Variants in EMC1 observed in about 807,000 individuals in gnomAD.
EMC1 encodes the protein ER membrane protein complex subunit 1, also known as KIAA0090.
In EMC1, 103 loss-of-function variants were observed where a neutral mutation model predicts 128.8. The ratio of observed to expected loss-of-function variants is 0.80; its 90% CI spans 0.68 to 0.94. The LOEUF (loss-of-function observed/expected upper bound fraction) is 0.94. Among genes scored for constraint, EMC1 ranks in the 40% least tolerant of loss-of-function variants. The pLI, the probability that EMC1 is intolerant of heterozygous loss-of-function variation, is 0.00. For missense variants in EMC1, 1,083 were observed against 1,250.6 expected (o/e 0.87, Z 2.02); for synonymous variants, 442 against 490.4 (o/e 0.90, Z 1.30).
In EMC1 at chr1:19,240,339, C is replaced by T. The variant is rs760670706; in HGVS notation, c.744G>A (p.Leu248=). ...PDPSSRSLQT[L]ALETEWELRQ... Reference sequence around the variant, plus strand: ...TCAACTCCCATTCCGTCTCCAGAGCCAAAGTTTGGAGGGAACGTGAGCTCG... The same window carrying T: ...TCAACTCCCATTCCGTCTCCAGAGCTAAAGTTTGGAGGGAACGTGAGCTCG... Residue 248 remains leucine, a synonymous_variant, in exon 7 of 23, where the codon TTG becomes TTA. Coordinates refer to ENST00000477853, the MANE Select transcript of EMC1 (RefSeq NM_015047.3). 1 of 1,614,210 alleles carries T rather than the reference C, an allele frequency of 6.2e-7. No homozygotes were observed. The highest frequency in any genetic ancestry group is 8.5e-7 in the Non-Finnish European group (1 of 1,180,026).
chr1:19,239,455 A>G (rs146724555), intron 8 of EMC1, among the ~76,000 whole-genome samples, 153 bp from the exon 9 acceptor site: 8 of 152,302 alleles, frequency 5.3e-5, no homozygotes, highest in Admixed American at 5.2e-4. Flanking sequence ...GAGCAGAGGG[A>G]GGCCTCAGTT....
chr1:19,227,613 T>C (rs193081352), intron 17 of EMC1, among the ~76,000 whole-genome samples, 163 bp from the exon 18 acceptor site: 9 of 152,336 alleles, frequency 5.9e-5, no homozygotes, highest in Admixed American at 5.9e-4. Context: ...ATTCTTGTAA[T>C]CCCAGCACTT....
At position 19,235,253 on chromosome 1, in the gene EMC1, C is replaced by A; in HGVS notation, c.1310-1G>T. On this transcript the variant is annotated splice_acceptor_variant, in intron 12 of 22. Coordinates refer to ENST00000477853, the MANE Select transcript of EMC1 (RefSeq NM_015047.3). LOFTEE classifies it high-confidence loss of function. ...CGGCTCCACAGCACCACCTTCCCTG[C>A]TACAGGAAACATTTTTACAAAGCTA... The A allele has an allele frequency of 6.2e-7, 1 of 1,611,184 alleles. No individual in the cohort carries two copies. Among genetic ancestry groups the A allele is most frequent in the Non-Finnish European group, 8.5e-7 (1 of 1,178,522 alleles).
At chr1:19,230,296 C>T (rs1002452519) in intron 17 of EMC1, among the ~76,000 whole-genome samples, 1 of 152,172 alleles carries the variant, frequency 6.6e-6, no homozygotes, top group Non-Finnish European at 1.5e-5. Context: ...TGGGGCCAGG[C>T]GCGGTGGCTC....
chr1:19,230,275 T>C (rs2093509739), intron 17 of EMC1, among the ~76,000 whole-genome samples: 1 of 152,116 alleles, frequency 6.6e-6, no homozygotes, highest in Admixed American at 6.6e-5. Flanking sequence ...CTCTCTGCTA[T>C]AGAAAAATAA....
chr1:19,240,625 G>A, intron 6 of EMC1, 179 bp from the exon 7 acceptor site: 1 of 633,790 alleles, frequency 1.6e-6, no homozygotes, highest in Non-Finnish European at 2.7e-6. Flanking sequence ...CCTCCTGAGA[G>A]CCTTCAAAGT....
intron 1 of EMC1, among the ~76,000 whole-genome samples, chr1:19,247,135 T>C (rs1046234865): frequency 6.6e-6 from 1 of 152,248 alleles, no homozygotes; most frequent in Non-Finnish European, 1.5e-5. Context: ...TCAATTTCTA[T>C]TGTTTAAGCC....
chr1:19,235,061 T>C, intron 13 of EMC1, 69 bp downstream of exon 13: 1 of 1,565,110 alleles, frequency 6.4e-7, no homozygotes, highest in Admixed American at 1.8e-5. Flanking sequence ...CATGATACAG[T>C]GTCTCTTGTG....
At chr1:19,226,265 G>A (rs1030083381) in intron 18 of EMC1, among the ~76,000 whole-genome samples, 3 of 152,128 alleles carry the variant, frequency 2.0e-5, no homozygotes, top group African/African-American at 7.2e-5. Flanking sequence ...CAGAGATGGA[G>A]TTTCTGATGG....
At chr1:19,243,906 A>G (rs1292237556) in intron 3 of EMC1, 44 bp downstream of exon 3, 3 of 1,603,622 alleles carry the variant, frequency 1.9e-6, no homozygotes, top group East Asian at 2.2e-5. Flanking sequence ...GGAATGGGAC[A>G]GGGAGCTGGC....
intron 13 of EMC1, 46 bp downstream of exon 13, chr1:19,235,084 C>A: frequency 6.2e-7 from 1 of 1,600,262 alleles, no homozygotes. Flanking sequence ...CATTTCCAGA[C>A]TGGCCCCTCC....
chr1:19,246,559 G>C (rs543350425), intron 1 of EMC1, among the ~76,000 whole-genome samples: 1 of 151,878 alleles, frequency 6.6e-6, no homozygotes, highest in African/African-American at 2.4e-5. Flanking sequence ...CAGGCATGCC[G>C]AACACTTGAG....
intron 15 of EMC1, among the ~76,000 whole-genome samples, chr1:19,232,379 A>C (rs1193735440): frequency 1.3e-5 from 2 of 152,348 alleles, no homozygotes; most frequent in African/African-American, 2.4e-5. Context: ...ACCAACAGCC[A>C]ATGTTTAGAA....
intron 2 of EMC1, 95 bp from the exon 3 acceptor site, chr1:19,244,110 G>T: frequency 8.2e-7 from 1 of 1,224,974 alleles, no homozygotes; most frequent in Non-Finnish European, 1.2e-6. Flanking sequence ...GCACAGCAAT[G>T]TCCAATTTTA....
intron 20 of EMC1, chr1:19,221,210 G>A (rs12123817): frequency 0.04 from 7,219 of 182,196 alleles, 211 homozygotes; most frequent in Middle Eastern, 0.071. Flanking sequence ...TTGAGCAAAC[G>A]CAGCTGTTCA....
At chr1:19,248,902 ATAT>A (rs1376369561) in intron 1 of EMC1, among the ~76,000 whole-genome samples, 8 of 152,330 alleles carry the variant, frequency 5.3e-5, no homozygotes, top group East Asian at 3.8e-4. Context: ...TATAAGAAAA[ATAT>A]TATTAAGTCA....
At chr1:19,240,875 C>T (rs2093601578) in intron 6 of EMC1, 141 bp downstream of exon 6, 1 of 942,912 alleles carries the variant, frequency 1.1e-6, no homozygotes, top group Non-Finnish European at 1.6e-6. Context: ...AATGGGAAGG[C>T]AGCTGGCAAG....
chr1:19,232,805 T>G (rs2093533855), intron 14 of EMC1, 32 bp from the exon 15 acceptor site: 1 of 1,613,538 alleles, frequency 6.2e-7, no homozygotes, highest in East Asian at 2.2e-5. Context: ...GGCTCACTAC[T>G]AGAAAGAGAA....
Position 19,244,905 on chromosome 1 carries a change from C to T in EMC1, c.220+1G>A. On this transcript the variant is annotated splice_donor_variant, in intron 2 of 22. Transcript: ENST00000477853. LOFTEE classifies it high-confidence loss of function. Reference sequence around the variant, plus strand: ...GTAGACACAGTTCTCAGTTCACTCACAGATCTCCCCAGTTCGGGAATTTAA... The same window carrying T: ...GTAGACACAGTTCTCAGTTCACTCATAGATCTCCCCAGTTCGGGAATTTAA... 1 of 1,613,548 alleles carries T rather than the reference C, an allele frequency of 6.2e-7. No individual in the cohort carries two copies. The highest frequency in any genetic ancestry group is 8.5e-7 in the Non-Finnish European group (1 of 1,179,618).
Sources: allele counts gnomAD v4.1 joint callset (sites outside exome capture counted in the v4.1 genomes callset), GRCh38; gene constraint gnomAD v4.1.1; transcripts MANE v1.5; gene names NCBI Gene and HGNC (gene_info 2026-07-23, HGNC 2026-07-21).